LDLRAD3: variants seen among roughly 807,000 people sequenced by gnomAD.
The protein encoded by LDLRAD3 is low-density lipoprotein receptor class A domain-containing protein 3.
In LDLRAD3, 20 loss-of-function variants were observed where a neutral mutation model predicts 29.4. The observed-to-expected ratio is 0.68, with a 90% confidence interval of 0.48 to 0.99. The LOEUF (loss-of-function observed/expected upper bound fraction) is 0.99, where lower values mean the gene tolerates loss of function less well. LDLRAD3 is among the 50% of genes least tolerant of loss of function. The pLI is 0.00. For missense variants in LDLRAD3, 420 were observed against 454.3 expected (o/e 0.92, Z 0.69); for synonymous variants, 157 against 192.7 (o/e 0.81, Z 1.53).
At chr11:36,168,757 T>G (rs1415113074) in intron 4 of LDLRAD3, among the ~76,000 whole-genome samples, 1 of 152,032 alleles carries the variant, frequency 6.6e-6, no homozygotes, top group East Asian at 1.9e-4. Flanking sequence ...AAATCGGTGG[T>G]GAGGAGATAA....
At chr11:36,140,638 C>A (rs983693268) in intron 4 of LDLRAD3, among the ~76,000 whole-genome samples, 9 of 152,138 alleles carry the variant, frequency 5.9e-5, no homozygotes, top group African/African-American at 2.2e-4. Context: ...CCAGGCTGGT[C>A]CTGAACTCCT....
At chr11:36,205,392 C>T (rs1855192381) in intron 4 of LDLRAD3, among the ~76,000 whole-genome samples, 1 of 152,156 alleles carries the variant, frequency 6.6e-6, no homozygotes, top group Non-Finnish European at 1.5e-5. Context: ...ACCGGCTTCA[C>T]ACAGCCCTGT....
At chr11:36,054,836 GATGA>G (rs1852585527) in intron 2 of LDLRAD3, among the ~76,000 whole-genome samples, 1 of 96,998 alleles carries the variant, frequency 1.0e-5, no homozygotes. Context: ...TGGATGGATG[GATGA>G]ATGGATGGAT....
intron 2 of LDLRAD3, among the ~76,000 whole-genome samples, chr11:36,076,222 GTCCATC>G (rs1852998404): frequency 6.9e-6 from 1 of 145,402 alleles, no homozygotes; most frequent in East Asian, 2.2e-4. Flanking sequence ...CTGTCCATCC[GTCCATC>G]CATCCATCCA....
At chr11:36,051,006 C>G (rs944994888) in intron 2 of LDLRAD3, among the ~76,000 whole-genome samples, 7 of 152,186 alleles carry the variant, frequency 4.6e-5, no homozygotes, top group African/African-American at 1.7e-4. Context: ...GCTCCACCCT[C>G]ATGATCTAAC....
At chr11:36,144,240 G>T (rs1024892150) in intron 4 of LDLRAD3, among the ~76,000 whole-genome samples, 1 of 151,790 alleles carries the variant, frequency 6.6e-6, no homozygotes, top group Admixed American at 6.6e-5. Flanking sequence ...GCTCAATGGT[G>T]CCCAGGCTGG....
chr11:36,126,876 T>A (rs1853845705), intron 4 of LDLRAD3, among the ~76,000 whole-genome samples: 1 of 152,200 alleles, frequency 6.6e-6, no homozygotes, highest in South Asian at 2.1e-4. Flanking sequence ...ACATGCATAA[T>A]CACCCAGAGT....
intron 2 of LDLRAD3, among the ~76,000 whole-genome samples, chr11:36,059,763 C>T (rs59159557): frequency 0.035 from 5,274 of 152,234 alleles, 277 homozygotes; most frequent in African/African-American, 0.12. Flanking sequence ...GCACTTAGCA[C>T]TGCCTGATTT....
At position 36,229,343 on chromosome 11, in the gene LDLRAD3, G is replaced by A. The variant is rs1463585060; in HGVS notation, c.984G>A (p.Glu328=). 3.1e-6 allele frequency: 5 copies of A among 1,614,080 alleles called. No individual in the cohort carries two copies. In the Admixed American group the frequency reaches 5.0e-5, roughly 16 times the overall value. ...SHSPGQPGPQ[E]GTAEPRDSEP... The stretch of plus-strand genomic sequence containing the variant: ...GCCCGGGGCAGCCTGGCCCCCAGGA[G>A]GGCACTGCTGAGCCCAGGGACTCTG... The change falls in exon 6 of 6, where the codon GAG becomes GAA. Residue 328 remains glutamate, a synonymous_variant. Transcript: ENST00000315571.
intron 4 of LDLRAD3, among the ~76,000 whole-genome samples, chr11:36,154,231 A>C (rs1854315875): frequency 6.6e-6 from 1 of 152,162 alleles, no homozygotes; most frequent in Non-Finnish European, 1.5e-5. Context: ...AGTAAGTCAC[A>C]CCTTTAAACA....
At chr11:36,127,996 C>G (rs1853862630) in intron 4 of LDLRAD3, among the ~76,000 whole-genome samples, 2 of 151,610 alleles carry the variant, frequency 1.3e-5, no homozygotes, top group African/African-American at 4.8e-5. Flanking sequence ...CCAAAGCAGC[C>G]TCCTCCTGGT....
At chr11:36,176,489 AGTT>A (rs961701369) in intron 4 of LDLRAD3, among the ~76,000 whole-genome samples, 3 of 150,718 alleles carry the variant, frequency 2.0e-5, no homozygotes, top group Admixed American at 6.6e-5. Flanking sequence ...TCCTTTTAGC[AGTT>A]GTTGTAAGTG....
intron 4 of LDLRAD3, among the ~76,000 whole-genome samples, chr11:36,170,342 G>T (rs974937771): frequency 6.8e-6 from 1 of 146,062 alleles, no homozygotes; most frequent in African/African-American, 2.6e-5. Flanking sequence ...ACGTATATAC[G>T]TATATATACA....
At chr11:35,966,533 A>G (rs1851344267) in intron 1 of LDLRAD3, among the ~76,000 whole-genome samples, 1 of 152,234 alleles carries the variant, frequency 6.6e-6, no homozygotes, top group East Asian at 1.9e-4. Context: ...AAATTCTGAT[A>G]AAATAAAGGG....
At chr11:36,006,634 G>A (rs2133183124) in intron 1 of LDLRAD3, among the ~76,000 whole-genome samples, 1 of 152,298 alleles carries the variant, frequency 6.6e-6, no homozygotes, top group Admixed American at 6.5e-5. Flanking sequence ...GTTTCCTTGG[G>A]CAAGTTTTTG....
intron 4 of LDLRAD3, among the ~76,000 whole-genome samples, chr11:36,207,504 A>G (rs1293982443): frequency 6.6e-6 from 1 of 152,134 alleles, no homozygotes; most frequent in Non-Finnish European, 1.5e-5. Flanking sequence ...TTTTAAAATT[A>G]GCCGGCATGG....
chr11:36,205,789 G>A (rs1418229872), intron 4 of LDLRAD3, among the ~76,000 whole-genome samples: 1 of 152,174 alleles, frequency 6.6e-6, no homozygotes, highest in African/African-American at 2.4e-5. Flanking sequence ...TAGTGCAATT[G>A]GACATAGATA....
At chr11:36,214,781 T>C (rs968108565) in intron 4 of LDLRAD3, among the ~76,000 whole-genome samples, 1 of 152,164 alleles carries the variant, frequency 6.6e-6, no homozygotes. Flanking sequence ...CTGAATGGAA[T>C]GATGGCCATG....
At chr11:36,034,709 T>C (rs1852281458) in intron 1 of LDLRAD3, among the ~76,000 whole-genome samples, 1 of 152,182 alleles carries the variant, frequency 6.6e-6, no homozygotes. Flanking sequence ...ATCACCCCAG[T>C]GGTACTATCA....
Sources: gnomAD v4.1 joint callset for allele counts (sites outside exome capture counted in the v4.1 genomes callset) on GRCh38, gnomAD v4.1.1 for gene constraint, MANE v1.5 for transcripts, NCBI Gene and HGNC (gene_info 2026-07-23, HGNC 2026-07-21) for gene names.